Variants in LINGO2 observed in about 807,000 individuals in gnomAD.
The protein encoded by LINGO2 is leucine rich repeat and Ig domain containing 2, also known as leucine-rich repeat and immunoglobulin-like domain-containing nogo receptor-interacting protein 2.
Under a neutral mutation model 30.6 loss-of-function variants are expected in LINGO2, and 14 were observed. That is an observed-to-expected ratio of 0.46 (90% CI 0.30 to 0.72). The LOEUF (loss-of-function observed/expected upper bound fraction) is 0.72. LINGO2 is among the 30% of genes least tolerant of loss of function. The probability of loss-of-function intolerance (pLI) is 0.07; values close to 1 mark genes in which losing one functional copy is unlikely to be tolerated. For missense variants in LINGO2, 729 were observed against 751.7 expected (o/e 0.97, Z 0.35); for synonymous variants, 317 against 288.5 (o/e 1.10, Z -1.00).
chr9:28,892,423 A>G, the LINGO2 span, among the ~76,000 whole-genome samples: 2 of 151,996 alleles, frequency 1.3e-5, no homozygotes, highest in Non-Finnish European at 2.9e-5. Flanking sequence ...ATGTTCACCA[A>G]TGCAATTGTA....
chr9:28,319,675 G>T (rs1213921601), intron 3 of LINGO2, among the ~76,000 whole-genome samples: 3 of 152,106 alleles, frequency 2.0e-5, no homozygotes, highest in Admixed American at 2.0e-4. Context: ...TATAGAGGCA[G>T]AAAATAGATT....
intron 2 of LINGO2, among the ~76,000 whole-genome samples, chr9:28,393,584 A>G (rs1045838821): frequency 4.6e-5 from 7 of 152,330 alleles, no homozygotes; most frequent in South Asian, 2.1e-4. Context: ...AAGACTAAAC[A>G]TTTATCCTTA....
At chr9:29,171,166 CA>C in the LINGO2 span, among the ~76,000 whole-genome samples, 1 of 152,032 alleles carries the variant, frequency 6.6e-6, no homozygotes, top group African/African-American at 2.4e-5. Context: ...TAACAAAAGT[CA>C]GTAAAGTTCT....
At chr9:27,949,140 G>T (rs758289947) in exon 6 of LINGO2, 10 of 1,613,954 alleles carry the variant, frequency 6.2e-6, no homozygotes, top group Non-Finnish European at 7.6e-6. Flanking sequence ...GGTCCTGTTC[G>T]CATAAAGAAA....
the LINGO2 span, among the ~76,000 whole-genome samples, chr9:28,792,762 A>C: frequency 2.0e-5 from 3 of 152,148 alleles, no homozygotes; most frequent in Non-Finnish European, 4.4e-5. Context: ...TTGCATACCT[A>C]GAGTGCTTAT....
chr9:28,724,683 G>A, the LINGO2 span, among the ~76,000 whole-genome samples: 2 of 152,112 alleles, frequency 1.3e-5, no homozygotes, highest in Admixed American at 1.3e-4. Flanking sequence ...GCTGATGTGG[G>A]TTGGGAAAAT....
At chr9:28,697,732 T>C in the LINGO2 span, among the ~76,000 whole-genome samples, 8 of 152,168 alleles carry the variant, frequency 5.3e-5, 2 homozygotes, top group East Asian at 1.5e-3. Flanking sequence ...CTTGCTATGC[T>C]TTTTGTTAAA....
chr9:28,259,700 T>C (rs1281488447), intron 4 of LINGO2, among the ~76,000 whole-genome samples: 2 of 151,754 alleles, frequency 1.3e-5, no homozygotes, highest in Admixed American at 6.6e-5. Context: ...GGGGAGAGTA[T>C]AAATTGATCC....
At chr9:28,278,268 A>C (rs1823200172) in intron 4 of LINGO2, among the ~76,000 whole-genome samples, 1 of 152,246 alleles carries the variant, frequency 6.6e-6, no homozygotes, top group East Asian at 1.9e-4. Context: ...GGGCTAATGT[A>C]GAGGCTGCAG....
At chr9:28,640,750 A>G (rs1827535081) in intron 1 of LINGO2, among the ~76,000 whole-genome samples, 1 of 151,636 alleles carries the variant, frequency 6.6e-6, no homozygotes, top group Non-Finnish European at 1.5e-5. Context: ...AAGGTTTTTA[A>G]CTTCTTTGCC....
the LINGO2 span, among the ~76,000 whole-genome samples, chr9:29,102,133 G>A: frequency 3.3e-5 from 5 of 151,382 alleles, no homozygotes; most frequent in Non-Finnish European, 5.9e-5. Flanking sequence ...CCAGGTTGGA[G>A]AGCAGTGGCG....
At chr9:28,885,823 CA>C in the LINGO2 span, among the ~76,000 whole-genome samples, 1 of 152,102 alleles carries the variant, frequency 6.6e-6, no homozygotes, top group South Asian at 2.1e-4. Flanking sequence ...GGTTGCCATG[CA>C]GAAACTAGGA....
chr9:28,695,549 A>G, the LINGO2 span, among the ~76,000 whole-genome samples: 1 of 151,928 alleles, frequency 6.6e-6, no homozygotes, highest in South Asian at 2.1e-4. Context: ...TTAGACAAAC[A>G]ATGAAGTGAT....
the LINGO2 span, among the ~76,000 whole-genome samples, chr9:29,099,292 T>C: frequency 6.6e-6 from 1 of 152,048 alleles, no homozygotes; most frequent in East Asian, 1.9e-4. Context: ...CAAGAAAACA[T>C]TGGGGAAACT....
At chr9:28,770,426 A>G in the LINGO2 span, among the ~76,000 whole-genome samples, 1 of 152,064 alleles carries the variant, frequency 6.6e-6, no homozygotes, top group Non-Finnish European at 1.5e-5. Context: ...GGTTTCTGGT[A>G]TTTTATTCTC....
intron 2 of LINGO2, among the ~76,000 whole-genome samples, chr9:28,397,857 T>C (rs1822116659): frequency 6.6e-6 from 1 of 152,154 alleles, no homozygotes; most frequent in African/African-American, 2.4e-5. Context: ...AATAGATGTC[T>C]TAAATTCATT....
intron 3 of LINGO2, among the ~76,000 whole-genome samples, chr9:28,327,073 T>C (rs569495533): frequency 1.3e-5 from 2 of 152,270 alleles, no homozygotes; most frequent in Non-Finnish European, 1.5e-5. Flanking sequence ...CCCTCATGAA[T>C]GGGATTAGTA....
chr9:28,797,534 G>T, the LINGO2 span, among the ~76,000 whole-genome samples: 1 of 151,526 alleles, frequency 6.6e-6, no homozygotes, highest in Admixed American at 6.6e-5. Context: ...AAAAAGAAGA[G>T]AAATTAACAA....
At chr9:28,792,384 A>G in the LINGO2 span, among the ~76,000 whole-genome samples, 2 of 152,094 alleles carry the variant, frequency 1.3e-5, no homozygotes, top group Non-Finnish European at 1.5e-5. Flanking sequence ...GGATTTAAAG[A>G]CTGCATTAAA....
Sources: gnomAD v4.1 joint callset for allele counts (sites outside exome capture counted in the v4.1 genomes callset) on GRCh38, gnomAD v4.1.1 for gene constraint, MANE v1.5 for transcripts, NCBI Gene and HGNC (gene_info 2026-07-23, HGNC 2026-07-21) for gene names.